Variants in CAPN3 observed in about 807,000 individuals in gnomAD.
CAPN3 encodes calpain 3.
In CAPN3, 88 loss-of-function variants were observed where a neutral mutation model predicts 114.0. The observed-to-expected ratio is 0.77, with a 90% CI of 0.65 to 0.92. The LOEUF (loss-of-function observed/expected upper bound fraction) is 0.92, where lower values mean the gene tolerates loss of function less well. CAPN3 is among the 40% of genes least tolerant of loss of function. The pLI is 0.00. For synonymous variants in CAPN3, 386 were observed against 382.9 expected (o/e 1.01, Z -0.09); for missense variants, 1,028 against 1,069.0 (o/e 0.96, Z 0.53).
chr15:42,388,964 C>T lies in CAPN3; in HGVS notation c.669C>T (p.Asn223=), dbSNP rs762688656. Residue 223 remains asparagine, a synonymous_variant, in exon 5 of 24, where the codon AAC becomes AAT. Coordinates refer to ENST00000397163, the MANE Select transcript of CAPN3 (RefSeq NM_000070.3). ...CCTACGAAGCTCTGAAAGGTGGGAA[C>T]ACCACAGAGGCCATGGAGGACTTCA... ...HGSYEALKGG[N]TTEAMEDFTG... 2.5e-6 allele frequency: 4 copies of T among 1,613,966 alleles called. 1 individual carries two copies. In the African/African-American group the frequency reaches 4.0e-5, roughly 16 times the overall value.
At chr15:42,369,057 T>G (rs1011925634) in intron 1 of CAPN3, among the ~76,000 whole-genome samples, 3 of 152,230 alleles carry the variant, frequency 2.0e-5, no homozygotes, top group Non-Finnish European at 2.9e-5. Context: ...GAGTACTCTC[T>G]CTTACAGACT....
chr15:42,400,283 T>C (rs1342832792), intron 10 of CAPN3, among the ~76,000 whole-genome samples: 1 of 152,086 alleles, frequency 6.6e-6, no homozygotes, highest in Non-Finnish European at 1.5e-5. Flanking sequence ...GCTGCAATAG[T>C]TCAAGTCAGA....
intron 17 of CAPN3, among the ~76,000 whole-genome samples, 155 bp from the exon 18 acceptor site, chr15:42,409,632 C>A (rs2054142552): frequency 6.6e-6 from 1 of 152,138 alleles, no homozygotes. Context: ...AGTATCTGGC[C>A]CCCTGTCTTC....
At chr15:42,378,477 T>C (rs2053150548) in intron 1 of CAPN3, among the ~76,000 whole-genome samples, 1 of 152,248 alleles carries the variant, frequency 6.6e-6, no homozygotes, top group Non-Finnish European at 1.5e-5. Context: ...CCAGCCTGAC[T>C]GAACTCCCAA....
intron 23 of CAPN3, 113 bp downstream of exon 23, chr15:42,411,458 A>T: frequency 2.0e-6 from 2 of 1,010,320 alleles, no homozygotes; most frequent in Non-Finnish European, 3.2e-6. Flanking sequence ...TGGTGGAGGG[A>T]AGGGATAGGA....
intron 1 of CAPN3, among the ~76,000 whole-genome samples, chr15:42,367,080 C>T (rs1408712387): frequency 6.6e-6 from 1 of 152,152 alleles, no homozygotes; most frequent in East Asian, 1.9e-4. Flanking sequence ...TGATCCACCG[C>T]CTCAGCCTCC....
chr15:42,382,275 C>G (rs1296220406), intron 1 of CAPN3, among the ~76,000 whole-genome samples: 2 of 151,880 alleles, frequency 1.3e-5, no homozygotes, highest in Non-Finnish European at 2.9e-5. Context: ...CATTCTGGGT[C>G]AATATTCAAT....
intron 4 of CAPN3, 82 bp from the exon 5 acceptor site, chr15:42,388,846 G>C: frequency 1.8e-6 from 2 of 1,136,716 alleles, no homozygotes; most frequent in Non-Finnish European, 2.7e-6. Flanking sequence ...CATCCAAGAG[G>C]TAAAGTTCTG....
At chr15:42,409,152 C>A in intron 16 of CAPN3, 151 bp from the exon 17 acceptor site, 1 of 706,562 alleles carries the variant, frequency 1.4e-6, no homozygotes. Flanking sequence ...CATCTCACTC[C>A]AGCTCACCAG....
intron 22 of CAPN3, 132 bp downstream of exon 22, chr15:42,411,132 G>A (rs2054211934): frequency 2.0e-6 from 2 of 1,018,462 alleles, no homozygotes; most frequent in Non-Finnish European, 3.1e-6. Context: ...GGCCCAGAAT[G>A]GGATGGCAAA....
chr15:42,405,089 CAG>C (rs761275452), intron 14 of CAPN3: 48 of 892,080 alleles, frequency 5.4e-5, no homozygotes, highest in Middle Eastern at 5.8e-4. Context: ...CTGGAAGACA[CAG>C]GGAGCAGGGC....
intron 19 of CAPN3, 102 bp downstream of exon 19, chr15:42,410,097 C>G (rs749629838): frequency 1.5e-4 from 165 of 1,075,472 alleles, no homozygotes; most frequent in Non-Finnish European, 2.2e-4. Flanking sequence ...AATTTGTGCC[C>G]AGGGAAACTT....
At chr15:42,402,368 C>T (rs2053896923) in intron 12 of CAPN3, 1 of 1,462,620 alleles carries the variant, frequency 6.8e-7, no homozygotes, top group Non-Finnish European at 9.0e-7. Context: ...CTGCACGTCA[C>T]ACACATGCCT....
At chr15:42,378,146 C>G (rs994183813) in intron 1 of CAPN3, among the ~76,000 whole-genome samples, 1 of 152,180 alleles carries the variant, frequency 6.6e-6, no homozygotes, top group Non-Finnish European at 1.5e-5. Flanking sequence ...TCAGCAGCCA[C>G]GGCCCTGACT....
chr15:42,386,501 A>G (rs1394586721), intron 3 of CAPN3, among the ~76,000 whole-genome samples: 1 of 152,180 alleles, frequency 6.6e-6, no homozygotes, highest in African/African-American at 2.4e-5. Context: ...ACTATGTCCC[A>G]GAAAGACAGG....
chr15:42,384,946 G>A (rs1477441180), intron 2 of CAPN3, among the ~76,000 whole-genome samples: 3 of 152,170 alleles, frequency 2.0e-5, no homozygotes, highest in Non-Finnish European at 2.9e-5. Flanking sequence ...AAAAGGCATC[G>A]CCAAGGAAAG....
intron 1 of CAPN3, among the ~76,000 whole-genome samples, chr15:42,372,003 A>G (rs1041986629): frequency 2.0e-5 from 3 of 151,386 alleles, no homozygotes; most frequent in Non-Finnish European, 4.4e-5. Context: ...AAAAAAAAAA[A>G]GGCTGTTGGG....
chr15:42,396,329 G>A (rs1276707650), intron 8 of CAPN3, among the ~76,000 whole-genome samples: 1 of 146,510 alleles, frequency 6.8e-6, no homozygotes, highest in Non-Finnish European at 1.5e-5. Flanking sequence ...TGCAACCTCC[G>A]CCTCCCGGGT....
intron 15 of CAPN3, 81 bp downstream of exon 15, chr15:42,406,024 C>A: frequency 1.6e-6 from 2 of 1,225,154 alleles, no homozygotes; most frequent in Non-Finnish European, 2.4e-6. Context: ...CATGTGTGAG[C>A]TCATATGCAT....
Sources: allele counts gnomAD v4.1 joint callset (sites outside exome capture counted in the v4.1 genomes callset), GRCh38; gene constraint gnomAD v4.1.1; transcripts MANE v1.5; gene names NCBI Gene and HGNC (gene_info 2026-07-23, HGNC 2026-07-21).